SLC9C2: variants seen among roughly 807,000 people sequenced by gnomAD.
The protein encoded by SLC9C2 is solute carrier family 9 member C2 (putative), also known as sodium/hydrogen exchanger 11.
A neutral mutation model predicts 140.2 loss-of-function variants in SLC9C2; 75 were observed. The ratio of observed to expected loss-of-function variants is 0.53; its 90% CI spans 0.44 to 0.65. The LOEUF (loss-of-function observed/expected upper bound fraction) is 0.65. SLC9C2 is among the 30% of genes least tolerant of loss of function. SLC9C2 has a pLI of 0.00. For synonymous variants in SLC9C2, 375 were observed against 420.9 expected (o/e 0.89, Z 1.34); for missense variants, 1,074 against 1,331.8 (o/e 0.81, Z 3.01).
chr1:173,602,197 C>T (rs1329699258), intron 1 of SLC9C2, among the ~76,000 whole-genome samples: 1 of 152,158 alleles, frequency 6.6e-6, no homozygotes, highest in Non-Finnish European at 1.5e-5. Flanking sequence ...GTGCACATAG[C>T]ATGTGGCACG....
At chr1:173,576,396 G>A (rs1222257549) in intron 8 of SLC9C2, among the ~76,000 whole-genome samples, 1 of 152,056 alleles carries the variant, frequency 6.6e-6, no homozygotes, top group African/African-American at 2.4e-5. Flanking sequence ...AAATCTCCAT[G>A]GTTCAAAGTA....
chr1:173,588,236 G>GC (rs1322700806), intron 4 of SLC9C2, among the ~76,000 whole-genome samples: 1 of 151,894 alleles, frequency 6.6e-6, no homozygotes, highest in Non-Finnish European at 1.5e-5. Flanking sequence ...CACAGAAAAT[G>GC]CCCCCCTTTA....
intron 18 of SLC9C2, 72 bp from the exon 19 acceptor site, chr1:173,526,786 G>A: frequency 9.3e-7 from 1 of 1,071,856 alleles, no homozygotes; most frequent in Non-Finnish European, 1.4e-6. Context: ...AGAAAAACAT[G>A]CATTTCTTCT....
intron 9 of SLC9C2, among the ~76,000 whole-genome samples, chr1:173,564,942 GTTTTCTT>G (rs1273291327): frequency 3.4e-5 from 5 of 146,882 alleles, no homozygotes; most frequent in Admixed American, 1.4e-4. Flanking sequence ...TGGCCGGGTA[GTTTTCTT>G]TTTTCTTTTT....
chr1:173,532,249 A>G (rs1283313970), intron 17 of SLC9C2, among the ~76,000 whole-genome samples: 1 of 152,150 alleles, frequency 6.6e-6, no homozygotes, highest in Non-Finnish European at 1.5e-5. Flanking sequence ...GTTTATAGCA[A>G]TTTTTTTAAT....
intron 11 of SLC9C2, among the ~76,000 whole-genome samples, chr1:173,553,923 G>C (rs1663492643): frequency 6.6e-6 from 1 of 152,086 alleles, no homozygotes; most frequent in Non-Finnish European, 1.5e-5. Flanking sequence ...ACTATACTAA[G>C]GCTCTACGAT....
chr1:173,507,594 T>C (rs773349564), intron 24 of SLC9C2, among the ~76,000 whole-genome samples: 9 of 152,114 alleles, frequency 5.9e-5, no homozygotes, highest in Non-Finnish European at 1.0e-4. Context: ...GTGACCTTAT[T>C]GAAATGGGTC....
chr1:173,554,683 T>C, intron 11 of SLC9C2, 50 bp downstream of exon 11: 1 of 1,172,372 alleles, frequency 8.5e-7, no homozygotes, highest in East Asian at 2.3e-5. Context: ...AACAATAACC[T>C]GTTTGTATTA....
At chr1:173,561,894 T>G (rs1378788095) in intron 9 of SLC9C2, among the ~76,000 whole-genome samples, 1 of 149,728 alleles carries the variant, frequency 6.7e-6, no homozygotes. Context: ...CACCCCCAAC[T>G]GTAACTAATC....
chr1:173,554,650 T>C, intron 11 of SLC9C2, 83 bp downstream of exon 11: 1 of 825,724 alleles, frequency 1.2e-6, no homozygotes, highest in South Asian at 1.6e-5. Flanking sequence ...TTGAGCTTCA[T>C]GAGAAATGTC....
chr1:173,586,996 G>T (rs545880964), intron 5 of SLC9C2, among the ~76,000 whole-genome samples: 2 of 151,212 alleles, frequency 1.3e-5, no homozygotes, highest in African/African-American at 4.9e-5. Context: ...TCCCATTTTT[G>T]TTGTTGTTGT....
chr1:173,585,148 A>G (rs938460831), intron 5 of SLC9C2, among the ~76,000 whole-genome samples: 1 of 152,216 alleles, frequency 6.6e-6, no homozygotes, highest in Non-Finnish European at 1.5e-5. Flanking sequence ...GCTTTAAAAT[A>G]AAAGTTATTT....
intron 18 of SLC9C2, among the ~76,000 whole-genome samples, chr1:173,527,702 G>C (rs985229041): frequency 6.6e-6 from 1 of 152,062 alleles, no homozygotes; most frequent in African/African-American, 2.4e-5. Flanking sequence ...AGTTCTTTAG[G>C]GTTGTCAGGT....
chr1:173,596,707 A>G (rs1052072438), intron 4 of SLC9C2: 2 of 152,134 alleles, frequency 1.3e-5, no homozygotes, highest in Non-Finnish European at 2.9e-5. Context: ...ATCCAACTGT[A>G]TACTATTAAA....
At chr1:173,556,438 A>T (rs1347503561) in intron 10 of SLC9C2, among the ~76,000 whole-genome samples, 7 of 152,218 alleles carry the variant, frequency 4.6e-5, no homozygotes, top group Non-Finnish European at 1.0e-4. Context: ...TTCGAGAAAT[A>T]AATTTTTTAA....
At chr1:173,561,127 A>G (rs980656591) in intron 9 of SLC9C2, among the ~76,000 whole-genome samples, 1 of 152,096 alleles carries the variant, frequency 6.6e-6, no homozygotes, top group Non-Finnish European at 1.5e-5. Flanking sequence ...TCCCATATGA[A>G]GCTTATCTTT....
chr1:173,565,935 T>C (rs1277989885), intron 9 of SLC9C2, among the ~76,000 whole-genome samples: 1 of 152,146 alleles, frequency 6.6e-6, no homozygotes, highest in Non-Finnish European at 1.5e-5. Flanking sequence ...TTGAAATGAT[T>C]ACATGGTTTT....
chr1:173,571,022 G>A (rs1442912084), intron 9 of SLC9C2, among the ~76,000 whole-genome samples: 1 of 152,040 alleles, frequency 6.6e-6, no homozygotes, highest in African/African-American at 2.4e-5. Flanking sequence ...CTTGATTTTT[G>A]GTTCTTATGA....
chr1:173,594,079 G>C (rs778455326), intron 4 of SLC9C2, among the ~76,000 whole-genome samples: 8 of 152,164 alleles, frequency 5.3e-5, no homozygotes, highest in Middle Eastern at 3.2e-3. Context: ...GATAGCAGTT[G>C]TCTCAAAAGC....
Sources: gnomAD v4.1 joint callset for allele counts (sites outside exome capture counted in the v4.1 genomes callset) on GRCh38, gnomAD v4.1.1 for gene constraint, MANE v1.5 for transcripts, NCBI Gene and HGNC (gene_info 2026-07-23, HGNC 2026-07-21) for gene names.